CRYBG1: variants seen among roughly 807,000 people sequenced by gnomAD.
CRYBG1 encodes the protein beta/gamma crystallin domain-containing protein 1.
In CRYBG1, 139 loss-of-function variants were observed where a neutral mutation model predicts 189.2. The observed-to-expected ratio is 0.73, with a 90% CI of 0.64 to 0.85. The LOEUF is 0.85. CRYBG1 is among the 40% of genes least tolerant of loss of function. The pLI is 0.00. For missense variants in CRYBG1, 2,611 were observed against 2,675.8 expected, an observed-to-expected ratio of 0.98 and a Z score of 0.53; for synonymous variants, 1,023 against 1,017.1, an observed-to-expected ratio of 1.01 and a Z score of -0.11.
At chr6:106,381,699 A>G (rs1030315136) in intron 1 of CRYBG1, among the ~76,000 whole-genome samples, 18 of 152,290 alleles carry the variant, frequency 1.2e-4, no homozygotes, top group African/African-American at 3.9e-4. Flanking sequence ...GTCTTTGGGG[A>G]GAGGAGCTGG....
intron 1 of CRYBG1, among the ~76,000 whole-genome samples, chr6:106,446,800 T>A (rs1440042586): frequency 6.6e-6 from 1 of 152,210 alleles, no homozygotes; most frequent in Non-Finnish European, 1.5e-5. Context: ...AAGCTTTAGG[T>A]CTCACAATTC....
At chr6:106,474,607 T>C (rs1020151091) in intron 2 of CRYBG1, among the ~76,000 whole-genome samples, 3 of 152,138 alleles carry the variant, frequency 2.0e-5, no homozygotes, top group South Asian at 2.1e-4. Context: ...AAAAGGCCTA[T>C]GTGTACTTCC....
At chr6:106,494,788 T>G (rs1246554925) in intron 2 of CRYBG1, among the ~76,000 whole-genome samples, 1 of 152,212 alleles carries the variant, frequency 6.6e-6, no homozygotes, top group Non-Finnish European at 1.5e-5. Flanking sequence ...CTTGGACACA[T>G]TTTTGTAATG....
rs568355507 is a variant in CRYBG1 at position 106,498,251 on chromosome 6, G to A, written c.313-13179G>A. Reference sequence around the variant, plus strand: ...AAAATATAGCTTACACTAGAAAAGTGTATGAACATACAAATAATGACTAAT... The same window carrying A: ...AAAATATAGCTTACACTAGAAAAGTATATGAACATACAAATAATGACTAAT... On this transcript the variant is annotated intron_variant, in intron 2 of 21. Transcript: ENST00000633556. Among the ~76,000 whole-genome samples, 8 of 152,278 alleles carry A rather than the reference G, an allele frequency of 5.3e-5. No individual in the cohort carries two copies. In the East Asian group the frequency reaches 1.5e-3, roughly 29 times the overall value.
At chr6:106,538,776 C>T (rs187944877) in intron 8 of CRYBG1, among the ~76,000 whole-genome samples, 110 of 151,928 alleles carry the variant, frequency 7.2e-4, no homozygotes, top group African/African-American at 2.6e-3. Flanking sequence ...TGTGCCTGTA[C>T]TCCCAGCTAC....
intron 1 of CRYBG1, among the ~76,000 whole-genome samples, chr6:106,398,112 A>T (rs947734633): frequency 5.9e-5 from 9 of 152,186 alleles, no homozygotes; most frequent in East Asian, 1.9e-4. Context: ...GGAAGTTTTG[A>T]AGTGCAATAT....
rs761987875 is a variant in CRYBG1 at position 106,558,591 on chromosome 6, A to C, written c.5821A>C (p.Thr1941Pro). The change falls in exon 18 of 22, where the codon ACA (threonine) becomes CCA (proline). Residue 1941 changes from threonine to proline, a missense_variant. Physicochemically the swap from Thr to Pro is conservative, Grantham distance 38. Transcript: ENST00000633556. ...TVNLRSLGFN[T>P]QIRSVQVIGG... ...CAATCTCCGATCCCTGGGATTCAAC[A>C]CACAAATACGCTCTGTTCAGGTTAT... 6.2e-7 allele frequency: 1 copy of C among 1,613,816 alleles called. No homozygotes were observed. Among genetic ancestry groups the C allele is most frequent in the Non-Finnish European group, 8.5e-7 (1 of 1,179,872 alleles).
At chr6:106,490,039 C>T (rs1772684640) in intron 2 of CRYBG1, among the ~76,000 whole-genome samples, 1 of 152,216 alleles carries the variant, frequency 6.6e-6, no homozygotes, top group Non-Finnish European at 1.5e-5. Flanking sequence ...CGGAGAGACT[C>T]ATGACTCCAG....
chr6:106,516,246 T>G lies in CRYBG1; in HGVS notation c.1923-2885T>G, dbSNP rs1413548241. Among the ~76,000 whole-genome samples the G allele has an allele frequency of 1.3e-5, 2 of 150,934 alleles. 1 individual carries two copies. Among genetic ancestry groups the G allele is most frequent in the African/African-American group, 4.9e-5 (2 of 41,022 alleles). On this transcript the variant is annotated intron_variant, in intron 3 of 21. Coordinates refer to ENST00000633556, the MANE Select transcript of CRYBG1 (RefSeq NM_001371242.2). ...CTCCTTAGGCCCAAGCTTCTTTTTT[T>G]TTTTTTAGACAGAGTCTCACTCTGT...
rs183341203 is a variant in CRYBG1 at position 106,417,055 on chromosome 6, G to A, written c.174-34639G>A. On this transcript the variant is annotated intron_variant, in intron 1 of 21. Transcript: ENST00000633556. ...TGGTCTTGCTCTGCTGCCCAGGCTG[G>A]AGTGCACTGGCACAATTACAGCTCA... is the stretch of plus-strand genomic sequence containing the variant. Among the ~76,000 whole-genome samples the A allele has an allele frequency of 2.5e-3, 324 of 132,216 alleles. 1 individual carries two copies. The highest frequency in any genetic ancestry group is 5.2e-3 in the Middle Eastern group (1 of 194). 86.7% of individuals were successfully genotyped at this position (132,216 alleles called of 152,430 possible). A position where few individuals can be genotyped will look rare whatever the true frequency, so the allele number is the denominator to read the frequency against.
At chr6:106,541,490 C>T in intron 9 of CRYBG1, 96 bp from the exon 10 acceptor site, 4 of 1,186,126 alleles carry the variant, frequency 3.4e-6, no homozygotes, top group African/African-American at 1.5e-5. Context: ...CATAGTCACA[C>T]TGAAATTCAA....
rs368339347 is a variant in CRYBG1 at position 106,519,171 on chromosome 6, C to T, written c.1963C>T (p.Pro655Ser). The T allele has an allele frequency of 1.1e-5, 18 of 1,613,974 alleles. No homozygotes were observed. The highest frequency in any genetic ancestry group is 1.5e-5 in the Non-Finnish European group (18 of 1,180,026). ...PKHVELNLKT[P>S]KNLDSLGNEH... ...ACATGTGGAACTAAATCTTAAAACC[C>T]CTAAGAATCTTGACAGTTTGGGAAA... is the stretch of plus-strand genomic sequence containing the variant. The change falls in exon 4 of 22, where the codon CCT becomes TCT. Residue 655 changes from proline to serine, a missense_variant. Coordinates refer to ENST00000633556, the MANE Select transcript of CRYBG1 (RefSeq NM_001371242.2).
At chr6:106,524,281 G>C (rs557854972) in intron 4 of CRYBG1, among the ~76,000 whole-genome samples, 1 of 152,308 alleles carries the variant, frequency 6.6e-6, no homozygotes, top group East Asian at 1.9e-4. Flanking sequence ...AGCGGGATTA[G>C]GCCGGGCACG....
At chr6:106,461,742 TTC>T (rs1772011085) in intron 2 of CRYBG1, among the ~76,000 whole-genome samples, 1 of 152,126 alleles carries the variant, frequency 6.6e-6, no homozygotes, top group South Asian at 2.1e-4. Flanking sequence ...AAACTTCCTG[TTC>T]TCTCTCGGGA....
chr6:106,451,941 A>G, intron 2 of CRYBG1, 109 bp downstream of exon 2: 1 of 699,546 alleles, frequency 1.4e-6, no homozygotes, highest in Non-Finnish European at 2.0e-6. Context: ...AATGGTATAT[A>G]TTGTATATCA....
At chr6:106,483,815 T>A (rs1435492450) in intron 2 of CRYBG1, among the ~76,000 whole-genome samples, 1 of 152,218 alleles carries the variant, frequency 6.6e-6, no homozygotes, top group Non-Finnish European at 1.5e-5. Flanking sequence ...TTGTATGTCT[T>A]CTTTTGAGAA....
chr6:106,522,123 C>A (rs1773624821), intron 4 of CRYBG1, among the ~76,000 whole-genome samples: 1 of 152,102 alleles, frequency 6.6e-6, no homozygotes, highest in Admixed American at 6.5e-5. Flanking sequence ...AGATGAGTTG[C>A]TTTTTCTTAC....
chr6:106,393,796 CT>C (rs1770554717), intron 1 of CRYBG1, among the ~76,000 whole-genome samples: 1 of 151,854 alleles, frequency 6.6e-6, no homozygotes, highest in South Asian at 2.1e-4. Context: ...CTGCTTCAGC[CT>C]TCCAAGCTGG....
intron 2 of CRYBG1, among the ~76,000 whole-genome samples, chr6:106,494,156 A>T (rs117424156): frequency 0.028 from 4,317 of 152,190 alleles, 72 homozygotes; most frequent in Non-Finnish European, 0.038. Context: ...TTCCATTTAG[A>T]CGAGATACCT....
Sources: allele counts gnomAD v4.1 joint callset (sites outside exome capture counted in the v4.1 genomes callset), GRCh38; gene constraint gnomAD v4.1.1; transcripts MANE v1.5; gene names NCBI Gene and HGNC (gene_info 2026-07-23, HGNC 2026-07-21).